RASGRF2: variants seen among roughly 807,000 people sequenced by gnomAD.
RASGRF2 encodes ras-specific guanine nucleotide-releasing factor 2.
Under a neutral mutation model 151.0 loss-of-function variants are expected in RASGRF2, and 76 were observed. The ratio of observed to expected loss-of-function variants is 0.50; its 90% CI spans 0.42 to 0.61. RASGRF2 has a LOEUF of 0.61. Among genes scored for constraint, RASGRF2 ranks in the 20% least tolerant of loss-of-function variants. The pLI is 0.00. For missense variants in RASGRF2, 1,148 were observed against 1,564.6 expected, an observed-to-expected ratio of 0.73 and a Z score of 4.49; for synonymous variants, 504 against 566.5, an observed-to-expected ratio of 0.89 and a Z score of 1.57.
intron 1 of RASGRF2, among the ~76,000 whole-genome samples, chr5:81,017,985 T>G (rs1220737921): frequency 2.0e-5 from 3 of 152,074 alleles, no homozygotes; most frequent in Non-Finnish European, 4.4e-5. Flanking sequence ...GACGGGCACC[T>G]GTAATCCCAG....
rs1432764378 is a variant in RASGRF2, at chr5:81,227,122, C to T, written c.*1352C>T. On this transcript the variant is annotated 3_prime_UTR_variant, in exon 27 of 27. Coordinates refer to ENST00000265080, the MANE Select transcript of RASGRF2 (RefSeq NM_006909.3). ...GAACCTGTTGCACCTGACATTTTCT[C>T]TTAGCAGCATGAAACTTATTGATGC... 6.6e-6 allele frequency: 1 copy of T among 152,216 alleles called. No homozygotes were observed. The highest frequency in any genetic ancestry group is 6.5e-5 in the Admixed American group (1 of 15,288). 9.4% of individuals were successfully genotyped at this position (152,216 alleles called of 1,614,324 possible). A position where few individuals can be genotyped will look rare whatever the true frequency, so the allele number is the denominator to read the frequency against.
At chr5:81,120,070 T>C (rs1753265215) in intron 15 of RASGRF2, among the ~76,000 whole-genome samples, 1 of 152,182 alleles carries the variant, frequency 6.6e-6, no homozygotes, top group Non-Finnish European at 1.5e-5. Flanking sequence ...CCAGGCTTCT[T>C]AGTCACATTC....
intron 18 of RASGRF2, among the ~76,000 whole-genome samples, chr5:81,192,324 G>T (rs1014607612): frequency 1.3e-5 from 2 of 152,224 alleles, no homozygotes; most frequent in African/African-American, 4.8e-5. Context: ...GTATTGGAAA[G>T]TTTAGAAGTA....
At chr5:81,151,091 G>A (rs1025840204) in intron 17 of RASGRF2, among the ~76,000 whole-genome samples, 26 of 152,158 alleles carry the variant, frequency 1.7e-4, no homozygotes, top group Non-Finnish European at 1.0e-4. Context: ...TGAAAGGCTA[G>A]GTTAATAATA....
At chr5:81,031,383 T>G (rs1462830838) in intron 1 of RASGRF2, among the ~76,000 whole-genome samples, 2 of 152,152 alleles carry the variant, frequency 1.3e-5, no homozygotes, top group Non-Finnish European at 2.9e-5. Context: ...ATTCCAAAAT[T>G]GACACATAAT....
chr5:81,000,080 C>T (rs1749030973), intron 1 of RASGRF2, among the ~76,000 whole-genome samples: 1 of 152,144 alleles, frequency 6.6e-6, no homozygotes, highest in Non-Finnish European at 1.5e-5. Context: ...ACAGCTGAGG[C>T]TGGAGGAACC....
At chr5:81,163,677 A>G (rs144744107) in intron 17 of RASGRF2, among the ~76,000 whole-genome samples, 52 of 152,312 alleles carry the variant, frequency 3.4e-4, no homozygotes, top group Admixed American at 1.1e-3. Flanking sequence ...TTCTGTGCTT[A>G]AAATAAGTGG....
chr5:81,139,600 A>G (rs923009520), intron 17 of RASGRF2, among the ~76,000 whole-genome samples: 3 of 151,448 alleles, frequency 2.0e-5, no homozygotes. Flanking sequence ...GCTTTATTGC[A>G]CCGACTAGAC....
intron 1 of RASGRF2, among the ~76,000 whole-genome samples, chr5:81,040,659 T>C (rs1750650599): frequency 1.3e-5 from 2 of 152,190 alleles, no homozygotes; most frequent in African/African-American, 4.8e-5. Flanking sequence ...CCCCCTTGGA[T>C]GTTAGAACCT....
chr5:81,220,231 C>T (rs1029189575), intron 26 of RASGRF2, among the ~76,000 whole-genome samples: 5 of 152,150 alleles, frequency 3.3e-5, no homozygotes, highest in African/African-American at 1.2e-4. Context: ...TGTGAAGTCT[C>T]GCATTATATG....
Position 81,229,259 on chromosome 5 carries a change from C to T in RASGRF2, c.*3489C>T, listed in dbSNP as rs1330441999. 1.3e-5 allele frequency: 2 copies of T among 151,508 alleles called. No individual in the cohort carries two copies. The highest frequency in any genetic ancestry group is 1.3e-4 in the Admixed American group (2 of 15,216). The allele number at this position is 151,508 out of a possible 1,614,324, so 9.4% of individuals were successfully genotyped here. A position where few individuals can be genotyped will look rare whatever the true frequency, so the allele number is the denominator to read the frequency against. ...ATTGCAAAATGTATTATTTTTACAA[C>T]TATCGAAAAGGCATAAAAGAGAACA... On this transcript the variant is annotated 3_prime_UTR_variant, in exon 27 of 27. Coordinates refer to ENST00000265080, the MANE Select transcript of RASGRF2 (RefSeq NM_006909.3).
chr5:80,969,721 G>A (rs1302443783), intron 1 of RASGRF2, among the ~76,000 whole-genome samples: 1 of 151,398 alleles, frequency 6.6e-6, no homozygotes, highest in Admixed American at 6.6e-5. Context: ...AAAGTGCTGG[G>A]ATTACAGGCG....
At chr5:81,079,169 G>C (rs538845728) in intron 5 of RASGRF2, among the ~76,000 whole-genome samples, 1 of 152,304 alleles carries the variant, frequency 6.6e-6, no homozygotes, top group African/African-American at 2.4e-5. Flanking sequence ...TGTAGTTTTA[G>C]TTTTACCCCT....
intron 17 of RASGRF2, among the ~76,000 whole-genome samples, chr5:81,148,156 G>A (rs1477532473): frequency 6.6e-6 from 1 of 152,170 alleles, no homozygotes; most frequent in Non-Finnish European, 1.5e-5. Context: ...TTCCTCTTCT[G>A]ACAGTTGAAG....
At chr5:81,197,323 G>C (rs953026181) in intron 18 of RASGRF2, among the ~76,000 whole-genome samples, 1 of 150,956 alleles carries the variant, frequency 6.6e-6, no homozygotes, top group Admixed American at 6.6e-5. Context: ...GGGCGCGGTG[G>C]CGGGCGCCTG....
intron 2 of RASGRF2, among the ~76,000 whole-genome samples, chr5:81,049,675 A>G (rs1750947789): frequency 3.9e-5 from 6 of 152,102 alleles, no homozygotes; most frequent in Admixed American, 3.9e-4. Flanking sequence ...TTCTCTGCTA[A>G]ATACCATGCT....
intron 17 of RASGRF2, among the ~76,000 whole-genome samples, chr5:81,177,693 C>A (rs775387862): frequency 6.6e-6 from 1 of 151,308 alleles, no homozygotes; most frequent in Non-Finnish European, 1.5e-5. Flanking sequence ...TGCTAAGTAC[C>A]ATAAAGTAGA....
intron 7 of RASGRF2, among the ~76,000 whole-genome samples, chr5:81,081,723 A>G (rs138093249): frequency 2.9e-4 from 44 of 152,324 alleles, no homozygotes; most frequent in African/African-American, 1.0e-3. Context: ...TCAGAAAGAA[A>G]TGTGGCTGTG....
intron 1 of RASGRF2, among the ~76,000 whole-genome samples, chr5:80,998,257 A>C (rs1195104627): frequency 3.3e-5 from 5 of 152,034 alleles, no homozygotes; most frequent in South Asian, 2.1e-4. Flanking sequence ...AATACTGGTA[A>C]ATTTCTATTT....
Sources: gnomAD v4.1 joint callset for allele counts (sites outside exome capture counted in the v4.1 genomes callset) on GRCh38, gnomAD v4.1.1 for gene constraint, MANE v1.5 for transcripts, NCBI Gene and HGNC (gene_info 2026-07-23, HGNC 2026-07-21) for gene names.